The following MACROD2 variants were observed in gnomAD, a reference collection of about 807,000 sequenced individuals.
MACROD2 encodes ADP-ribose glycohydrolase MACROD2.
In MACROD2, 36 loss-of-function variants were observed where a neutral mutation model predicts 70.4. The observed-to-expected ratio is 0.51, with a 90% CI of 0.39 to 0.68. The LOEUF is 0.68. MACROD2 is among the 30% of genes least tolerant of loss of function. The probability of loss-of-function intolerance (pLI) is 0.00; values close to 1 mark genes in which losing one functional copy is unlikely to be tolerated. For missense variants in MACROD2, 496 were observed against 538.4 expected (o/e 0.92, Z 0.78); for synonymous variants, 172 against 178.8 (o/e 0.96, Z 0.30).
chr20:14,683,282 A>G (rs1015673438), intron 4 of MACROD2, among the ~76,000 whole-genome samples: 3 of 152,236 alleles, frequency 2.0e-5, no homozygotes, highest in African/African-American at 4.8e-5. Flanking sequence ...ATAACACTGT[A>G]CTAGACACTA....
chr20:14,640,210 CA>C (rs1299301638), intron 4 of MACROD2, among the ~76,000 whole-genome samples: 7 of 152,042 alleles, frequency 4.6e-5, no homozygotes, highest in African/African-American at 1.2e-4. Flanking sequence ...AACAACAGGT[CA>C]AAAAATCACT....
intron 5 of MACROD2, among the ~76,000 whole-genome samples, chr20:14,971,146 A>G (rs1231355954): frequency 6.6e-6 from 1 of 152,202 alleles, no homozygotes; most frequent in Non-Finnish European, 1.5e-5. Flanking sequence ...TACCTAACAA[A>G]GTGTAAATAC....
chr20:14,486,791 T>TTA (rs1407918988), intron 3 of MACROD2, among the ~76,000 whole-genome samples: 2 of 152,112 alleles, frequency 1.3e-5, no homozygotes, highest in Non-Finnish European at 2.9e-5. Context: ...AGTGCTGGGA[T>TTA]TATAGGTATG....
At chr20:16,041,097 G>C in intron 15 of MACROD2, 104 bp from the exon 16 acceptor site, 1 of 921,670 alleles carries the variant, frequency 1.1e-6, no homozygotes, top group Middle Eastern at 2.1e-4. Flanking sequence ...AATCCCAGGA[G>C]TATTTTTGAA....
chr20:14,096,204 C>A (rs2054222636), intron 3 of MACROD2, among the ~76,000 whole-genome samples: 1 of 152,012 alleles, frequency 6.6e-6, no homozygotes. Flanking sequence ...GACCTGGAAG[C>A]AAATAGATAC....
chr20:15,328,429 T>G (rs1043908191), intron 6 of MACROD2, among the ~76,000 whole-genome samples: 1 of 152,134 alleles, frequency 6.6e-6, no homozygotes, highest in African/African-American at 2.4e-5. Flanking sequence ...CACTCTGATT[T>G]ATGTTTTCAA....
At chr20:14,121,752 A>G (rs1272165793) in intron 3 of MACROD2, among the ~76,000 whole-genome samples, 1 of 152,128 alleles carries the variant, frequency 6.6e-6, no homozygotes, top group Non-Finnish European at 1.5e-5. Context: ...GTAACTTCTG[A>G]CTGCTTTTCT....
chr20:15,632,901 C>A (rs552933658), intron 8 of MACROD2, among the ~76,000 whole-genome samples: 33 of 151,160 alleles, frequency 2.2e-4, no homozygotes, highest in Non-Finnish European at 1.9e-4. Context: ...ATCCTTCTTT[C>A]GTTCCCTTCT....
At chr20:14,594,926 A>C (rs1982021295) in intron 4 of MACROD2, among the ~76,000 whole-genome samples, 1 of 152,112 alleles carries the variant, frequency 6.6e-6, no homozygotes, top group Admixed American at 6.5e-5. Context: ...ATAAATAAGA[A>C]AAGTTATCAA....
intron 5 of MACROD2, among the ~76,000 whole-genome samples, chr20:15,122,667 T>G (rs2076039093): frequency 6.6e-6 from 1 of 152,194 alleles, no homozygotes; most frequent in Non-Finnish European, 1.5e-5. Flanking sequence ...AATGTAGAGC[T>G]TTGTACCCAA....
chr20:14,152,778 G>T (rs2055042882), intron 3 of MACROD2, among the ~76,000 whole-genome samples: 1 of 152,148 alleles, frequency 6.6e-6, no homozygotes, highest in African/African-American at 2.4e-5. Flanking sequence ...TCCAGGTACT[G>T]ATGCTTGTAT....
intron 8 of MACROD2, among the ~76,000 whole-genome samples, chr20:15,811,227 A>C (rs1166183697): frequency 1.3e-5 from 2 of 151,872 alleles, no homozygotes; most frequent in African/African-American, 4.8e-5. Context: ...CAATGAACTC[A>C]AACAAATTTA....
rs375942887 is a variant in MACROD2 at position 15,463,647 on chromosome 20, G to A, written c.571+32212G>A. On this transcript the variant is annotated intron_variant, in intron 7 of 17. Transcript: ENST00000684519. The stretch of plus-strand genomic sequence containing the variant: ...GCCTGTACTCCCAGCTACTTGAGAA[G>A]CTGAGGCAGGAGAATCATGTGAACC... 2.0e-5 allele frequency among the ~76,000 whole-genome samples: 3 copies of A among 152,140 alleles called. No homozygotes were observed. The East Asian group carries it at 5.8e-4, about 29-fold the overall frequency.
At chr20:14,988,934 C>T (rs1311045195) in intron 5 of MACROD2, among the ~76,000 whole-genome samples, 1 of 151,898 alleles carries the variant, frequency 6.6e-6, no homozygotes, top group Non-Finnish European at 1.5e-5. Context: ...AATATACTTT[C>T]ACATGGGGTA....
intron 8 of MACROD2, among the ~76,000 whole-genome samples, chr20:15,850,577 AAGG>A (rs1301794627): frequency 6.6e-6 from 1 of 152,202 alleles, no homozygotes; most frequent in Non-Finnish European, 1.5e-5. Flanking sequence ...TCTCACATAG[AAGG>A]AGATCTGTAA....
chr20:15,908,365 A>G (rs772743660), intron 10 of MACROD2, among the ~76,000 whole-genome samples: 2 of 151,862 alleles, frequency 1.3e-5, no homozygotes, highest in African/African-American at 2.4e-5. Flanking sequence ...TCAGGTGACC[A>G]CTCCCTTTCT....
chr20:14,719,737 T>G (rs985267471), intron 5 of MACROD2, among the ~76,000 whole-genome samples: 11 of 152,152 alleles, frequency 7.2e-5, no homozygotes, highest in African/African-American at 2.7e-4. Context: ...GAACTGTAGG[T>G]GTATTTCAGT....
intron 8 of MACROD2, among the ~76,000 whole-genome samples, chr20:15,536,850 C>T (rs73897655): frequency 0.017 from 2,551 of 152,194 alleles, 70 homozygotes; most frequent in African/African-American, 0.058. Flanking sequence ...TGGAAGTGAT[C>T]ATGTCACCTC....
intron 5 of MACROD2, among the ~76,000 whole-genome samples, chr20:15,118,201 T>TTG (rs919992285): frequency 2.0e-5 from 3 of 150,628 alleles, no homozygotes; most frequent in African/African-American, 7.3e-5. Context: ...TTTAAATTTT[T>TTG]TTTTTTTTTT....
Sources: allele counts gnomAD v4.1 joint callset (sites outside exome capture counted in the v4.1 genomes callset), GRCh38; gene constraint gnomAD v4.1.1; transcripts MANE v1.5; gene names NCBI Gene and HGNC (gene_info 2026-07-23, HGNC 2026-07-21).